The following DCC variants were observed in gnomAD, a reference collection of about 807,000 sequenced individuals.
DCC encodes the protein netrin receptor DCC.
A neutral mutation model predicts 172.5 loss-of-function variants in DCC; 58 were observed. That is an observed-to-expected ratio of 0.34 (90% confidence interval 0.27 to 0.42). The LOEUF (loss-of-function observed/expected upper bound fraction) is 0.42, where lower values mean the gene tolerates loss of function less well. Among genes scored for constraint, DCC ranks in the 10% least tolerant of loss-of-function variants. The pLI, the probability that DCC is intolerant of heterozygous loss-of-function variation, is 1.00. For synonymous variants in DCC, 709 were observed against 644.5 expected, an observed-to-expected ratio of 1.10 and a Z score of -1.52; for missense variants, 1,740 against 1,791.0, an observed-to-expected ratio of 0.97 and a Z score of 0.51.
chr18:52,934,272 T>C (rs2040350228), intron 5 of DCC, among the ~76,000 whole-genome samples: 1 of 152,226 alleles, frequency 6.6e-6, no homozygotes, highest in African/African-American at 2.4e-5. Context: ...TATCTAGTGA[T>C]ACATTGAAAT....
chr18:52,989,953 G>A (rs900699316), intron 5 of DCC, among the ~76,000 whole-genome samples: 1 of 152,144 alleles, frequency 6.6e-6, no homozygotes, highest in Non-Finnish European at 1.5e-5. Flanking sequence ...ATATCAGGCA[G>A]CATCTGAGAT....
intron 16 of DCC, among the ~76,000 whole-genome samples, chr18:53,390,032 A>C (rs1281644668): frequency 6.6e-6 from 1 of 152,228 alleles, no homozygotes; most frequent in African/African-American, 2.4e-5. Flanking sequence ...CAAGTAAAAC[A>C]AAGTAGCACC....
chr18:52,976,300 C>T (rs980711371), intron 5 of DCC, among the ~76,000 whole-genome samples: 7 of 151,942 alleles, frequency 4.6e-5, no homozygotes, highest in Non-Finnish European at 8.8e-5. Context: ...TGTAGGTTGT[C>T]TGTTTGCTCT....
intron 2 of DCC, among the ~76,000 whole-genome samples, chr18:52,764,840 C>A (rs1568088675): frequency 6.6e-6 from 1 of 152,240 alleles, no homozygotes; most frequent in East Asian, 1.9e-4. Flanking sequence ...TAGTAGATAT[C>A]ACTCCATGAA....
chr18:53,353,869 A>T (rs1488596549), intron 15 of DCC, among the ~76,000 whole-genome samples: 2 of 152,112 alleles, frequency 1.3e-5, no homozygotes, highest in Non-Finnish European at 2.9e-5. Context: ...TGCTGCACCC[A>T]TTAACTTGTC....
At chr18:52,752,586 A>G (rs1310159487) in intron 2 of DCC, among the ~76,000 whole-genome samples, 3 of 152,202 alleles carry the variant, frequency 2.0e-5, no homozygotes, top group African/African-American at 7.2e-5. Flanking sequence ...GCTAATTAAC[A>G]TATCTGTCAC....
rs781416453 is a variant in DCC, at chr18:53,531,118, T to C, written c.*465T>C. 25 of 213,992 alleles carry C rather than the reference T, an allele frequency of 1.2e-4. No homozygotes were observed. The Middle Eastern group carries it at 0.012, about 102-fold the overall frequency. 13.3% of individuals were successfully genotyped at this position (213,992 alleles called of 1,614,324 possible). A position where few individuals can be genotyped will look rare whatever the true frequency, so the allele number is the denominator to read the frequency against. On this transcript the variant is annotated 3_prime_UTR_variant, in exon 29 of 29. Transcript: ENST00000442544. Reference sequence around the variant, plus strand: ...TCAACTTAAACATACAAAGCACCCATGGGAATCTCTCATGCCATAGCACCA... The same window carrying C: ...TCAACTTAAACATACAAAGCACCCACGGGAATCTCTCATGCCATAGCACCA...
chr18:53,313,865 C>G (rs975447969), intron 13 of DCC, among the ~76,000 whole-genome samples: 1 of 152,154 alleles, frequency 6.6e-6, no homozygotes, highest in Non-Finnish European at 1.5e-5. Context: ...CACCATAATA[C>G]GTTAGCTTAA....
At chr18:52,718,460 A>G (rs1184051514) in intron 1 of DCC, among the ~76,000 whole-genome samples, 1 of 151,866 alleles carries the variant, frequency 6.6e-6, no homozygotes, top group African/African-American at 2.4e-5. Flanking sequence ...AAGTTGCCTT[A>G]TTTCTTTGAA....
chr18:53,425,381 A>C (rs1910862928), intron 21 of DCC, among the ~76,000 whole-genome samples: 1 of 53,038 alleles, frequency 1.9e-5, no homozygotes, highest in African/African-American at 4.9e-5. Context: ...TTTTTTTGAG[A>C]CAGAGTCTCA....
At chr18:52,610,470 GA>G (rs1463420023) in intron 1 of DCC, among the ~76,000 whole-genome samples, 1 of 148,746 alleles carries the variant, frequency 6.7e-6, no homozygotes, top group East Asian at 2.0e-4. Context: ...TTCTGTGGGG[GA>G]GAGTTGGTGT....
At chr18:53,507,043 TCA>T (rs2046188666) in intron 27 of DCC, among the ~76,000 whole-genome samples, 1 of 152,086 alleles carries the variant, frequency 6.6e-6, no homozygotes, top group South Asian at 2.1e-4. Context: ...TTCTACAACC[TCA>T]GTTACTACAG....
At chr18:52,915,131 A>C (rs1282036419) in intron 3 of DCC, among the ~76,000 whole-genome samples, 4 of 152,106 alleles carry the variant, frequency 2.6e-5, no homozygotes, top group Non-Finnish European at 5.9e-5. Context: ...CCATAATTTA[A>C]TTTCTCTGTG....
In DCC at chr18:52,971,533, G is replaced by GCACA. The variant is rs1201451089; in HGVS notation, c.985+46170_985+46173dup. On this transcript the variant is annotated intron_variant, in intron 5 of 28. Coordinates refer to ENST00000442544, the MANE Select transcript of DCC (RefSeq NM_005215.4). ...CGCGCACACACACACACACACGCAC[G>GCACA]CACACACACAAACATATCTTCCCAG... Among the ~76,000 whole-genome samples the GCACA allele has an allele frequency of 2.0e-5, 3 of 151,066 alleles. No individual in the cohort carries two copies. The East Asian group carries it at 6.0e-4, about 30-fold the overall frequency.
At chr18:53,004,826 T>C (rs911868879) in intron 5 of DCC, among the ~76,000 whole-genome samples, 1 of 152,192 alleles carries the variant, frequency 6.6e-6, no homozygotes, top group African/African-American at 2.4e-5. Context: ...AAACACACTT[T>C]AGAGAAGTTT....
At position 52,615,985 on chromosome 18, in the gene DCC, T is replaced by G. The variant is rs955024728; in HGVS notation, c.92-136069T>G. ...TTTTATATATATATGAATGAATGAA[T>G]AATTTCAAATTTATAAAACATTTGC... On this transcript the variant is annotated intron_variant, in intron 1 of 28. Transcript: ENST00000442544. Among the ~76,000 whole-genome samples the G allele has an allele frequency of 5.9e-5, 9 of 152,296 alleles. No homozygotes were observed. In the South Asian group the frequency reaches 6.2e-4, roughly 11 times the overall value.
intron 7 of DCC, among the ~76,000 whole-genome samples, chr18:53,138,110 G>A (rs1380212490): frequency 6.6e-6 from 1 of 152,034 alleles, no homozygotes; most frequent in Non-Finnish European, 1.5e-5. Context: ...TTACAAGCAT[G>A]AGCCATTGTG....
intron 1 of DCC, among the ~76,000 whole-genome samples, chr18:52,669,462 A>T (rs939880589): frequency 6.6e-6 from 1 of 152,212 alleles, no homozygotes; most frequent in Non-Finnish European, 1.5e-5. Context: ...AGTTCCTTGC[A>T]AAGTTAGTTC....
intron 1 of DCC, among the ~76,000 whole-genome samples, chr18:52,346,783 C>G (rs1327436791): frequency 2.0e-5 from 3 of 152,126 alleles, no homozygotes; most frequent in Non-Finnish European, 4.4e-5. Context: ...TATGGCATGA[C>G]TTCTGTAGGA....
Sources: gnomAD v4.1 joint callset for allele counts (sites outside exome capture counted in the v4.1 genomes callset) on GRCh38, gnomAD v4.1.1 for gene constraint, MANE v1.5 for transcripts, NCBI Gene and HGNC (gene_info 2026-07-23, HGNC 2026-07-21) for gene names.